EFR3B: variants seen among roughly 807,000 people sequenced by gnomAD.
EFR3B encodes EFR3 homolog B.
In EFR3B, 64 loss-of-function variants were observed where a neutral mutation model predicts 104.7. That is an observed-to-expected ratio of 0.61 (90% confidence interval 0.50 to 0.75). EFR3B has a LOEUF of 0.75. EFR3B is among the 30% of genes least tolerant of loss of function. The probability of loss-of-function intolerance (pLI) is 0.00; values close to 1 mark genes in which losing one functional copy is unlikely to be tolerated. For synonymous variants in EFR3B, 385 were observed against 417.9 expected, an observed-to-expected ratio of 0.92 and a Z score of 0.96; for missense variants, 750 against 1,078.5, an observed-to-expected ratio of 0.70 and a Z score of 4.27.
At chr2:25,049,181 T>C (rs1667799969) in intron 1 of EFR3B, among the ~76,000 whole-genome samples, 1 of 152,258 alleles carries the variant, frequency 6.6e-6, no homozygotes, top group Non-Finnish European at 1.5e-5. Flanking sequence ...ATTAAGATTT[T>C]TCCCCTAGTA....
chr2:25,057,412 C>CAAA lies in EFR3B; in HGVS notation c.7+15102_7+15104dup, dbSNP rs70947862. Among the ~76,000 whole-genome samples the CAAA allele has an allele frequency of 8.7e-4, 124 of 142,816 alleles. 1 individual carries two copies. The highest frequency in any genetic ancestry group is 3.0e-3 in the African/African-American group (117 of 38,896). 93.7% of individuals were successfully genotyped at this position (142,816 alleles called of 152,430 possible). On this transcript the variant is annotated intron_variant, in intron 1 of 22. Coordinates refer to ENST00000403714, the MANE Select transcript of EFR3B (RefSeq NM_014971.2). ...CCAGCTCGTTAAGTGGCATGGCTAA[C>CAAA]AAAAAAAAAAACAAAAAACAGATCT...
At chr2:25,122,219 G>A (rs1009483382) in intron 5 of EFR3B, among the ~76,000 whole-genome samples, 3 of 151,910 alleles carry the variant, frequency 2.0e-5, no homozygotes, top group Non-Finnish European at 2.9e-5. Context: ...CACCCACATC[G>A]GCCTCCCAGA....
rs968316644 is a variant in EFR3B at position 25,091,221 on chromosome 2, C to T, written c.8-104C>T. On this transcript the variant is annotated intron_variant, in intron 1 of 22. Coordinates refer to ENST00000403714, the MANE Select transcript of EFR3B (RefSeq NM_014971.2). ...AAGGGAGGGGTCTGTCTGATTCCAGCCTGTCTGTTTCCTGCCACTCACAGG... is the reference window on the plus strand; with the variant it reads ...AAGGGAGGGGTCTGTCTGATTCCAGTCTGTCTGTTTCCTGCCACTCACAGG... The T allele has an allele frequency of 3.6e-5, 39 of 1,093,404 alleles. No individual in the cohort carries two copies. In the African/African-American group the frequency reaches 6.1e-4, roughly 17 times the overall value. The allele number at this position is 1,093,404 out of a possible 1,614,324, so 67.7% of individuals were successfully genotyped here. A position where few individuals can be genotyped will look rare whatever the true frequency, so the allele number is the denominator to read the frequency against.
At chr2:25,150,929 C>T (rs1558622496) in intron 20 of EFR3B, among the ~76,000 whole-genome samples, 1 of 151,648 alleles carries the variant, frequency 6.6e-6, no homozygotes. Context: ...CCTTCTTAAA[C>T]TGAGTATGGG....
At chr2:25,151,790 T>C in intron 20 of EFR3B, 124 bp from the exon 21 acceptor site, 1 of 1,068,670 alleles carries the variant, frequency 9.4e-7, no homozygotes, top group East Asian at 2.7e-5. Flanking sequence ...TCCACGCCAC[T>C]GTCCCCTACT....
intron 1 of EFR3B, among the ~76,000 whole-genome samples, chr2:25,089,169 G>C (rs1324452222): frequency 1.3e-5 from 2 of 152,166 alleles, no homozygotes; most frequent in African/African-American, 2.4e-5. Flanking sequence ...AACTGAGTTG[G>C]TGTCCCCAGA....
At position 25,142,447 on chromosome 2, in the gene EFR3B, T is replaced by TA. The variant is rs775996269; in HGVS notation, c.1922+1032dup. ...CTGGGCAACAGAGCAAGACTCTGTC[T>TA]AAAAAAAAAAAAAAAAAATTAGGCC... is the stretch of plus-strand genomic sequence containing the variant. On this transcript the variant is annotated intron_variant, in intron 17 of 22. Coordinates refer to ENST00000403714, the MANE Select transcript of EFR3B (RefSeq NM_014971.2). 0.031 allele frequency among the ~76,000 whole-genome samples: 3,636 copies of TA among 117,138 alleles called. 245 individuals are homozygous for TA. In the East Asian group the frequency reaches 0.31, roughly 10 times the overall value. 76.8% of individuals were successfully genotyped at this position (117,138 alleles called of 152,430 possible). A position where few individuals can be genotyped will look rare whatever the true frequency, so the allele number is the denominator to read the frequency against.
intron 2 of EFR3B, among the ~76,000 whole-genome samples, chr2:25,091,875 G>A (rs2149185048): frequency 6.6e-6 from 1 of 152,252 alleles, no homozygotes; most frequent in Non-Finnish European, 1.5e-5. Flanking sequence ...TGGCCTCCAA[G>A]CCGCCTCTCC....
chr2:25,058,774 C>CG, intron 1 of EFR3B, among the ~76,000 whole-genome samples: 1 of 141,098 alleles, frequency 7.1e-6, no homozygotes, highest in African/African-American at 2.8e-5. Context: ...GCCCCCCCCC[C>CG]CAAAAAAAAA....
chr2:25,103,611 G>A, intron 3 of EFR3B, 26 bp from the exon 4 acceptor site: 1 of 1,538,964 alleles, frequency 6.5e-7, no homozygotes, highest in Middle Eastern at 1.7e-4. Flanking sequence ...GGCGCGGCCA[G>A]TGACGGCATG....
At chr2:25,062,325 G>A (rs1411052264) in intron 1 of EFR3B, among the ~76,000 whole-genome samples, 2 of 152,172 alleles carry the variant, frequency 1.3e-5, no homozygotes, top group Non-Finnish European at 2.9e-5. Flanking sequence ...CTTTGTGAGG[G>A]GATTAGCAAT....
At chr2:25,078,474 G>A (rs148311327) in intron 1 of EFR3B, among the ~76,000 whole-genome samples, 4 of 152,298 alleles carry the variant, frequency 2.6e-5, no homozygotes, top group Non-Finnish European at 4.4e-5. Context: ...TGGTGAATGC[G>A]GAGGAGGGAG....
intron 1 of EFR3B, among the ~76,000 whole-genome samples, chr2:25,046,557 C>T (rs1667723638): frequency 7.4e-6 from 1 of 134,304 alleles, no homozygotes; most frequent in Non-Finnish European, 1.6e-5. Flanking sequence ...GGCTGGAGTG[C>T]AGTGGCGCGA....
intron 3 of EFR3B, among the ~76,000 whole-genome samples, chr2:25,097,008 C>T (rs1669299779): frequency 6.6e-6 from 1 of 152,172 alleles, no homozygotes; most frequent in Non-Finnish European, 1.5e-5. Flanking sequence ...AAATTATACT[C>T]AAGCAAGTAA....
Position 25,137,309 on chromosome 2 carries a change from G to A in EFR3B, c.1561-32G>A, listed in dbSNP as rs748506925. On this transcript the variant is annotated intron_variant, in intron 14 of 22. Coordinates refer to ENST00000403714, the MANE Select transcript of EFR3B (RefSeq NM_014971.2). The surrounding 1 kb of genome is among the most constrained non-coding windows in gnomAD (Gnocchi z 4.7). ...TTGCCCCTCCTGTCCCCATCCCTCC[G>A]ACCCTGGCCTTCTGCCCGCTCCTGT... is the stretch of plus-strand genomic sequence containing the variant. 5.8e-6 allele frequency: 9 copies of A among 1,550,704 alleles called. No homozygotes were observed. Among genetic ancestry groups the A allele is most frequent in the East Asian group, 4.9e-5 (2 of 40,896 alleles).
chr2:25,156,743 T>G lies in EFR3B; in HGVS notation c.*2403T>G, dbSNP rs1297386633. 1 of 152,208 alleles carries G rather than the reference T, an allele frequency of 6.6e-6. No individual in the cohort carries two copies. Among genetic ancestry groups the G allele is most frequent in the African/African-American group, 2.4e-5 (1 of 41,454 alleles). 9.4% of individuals were successfully genotyped at this position (152,208 alleles called of 1,614,324 possible). On this transcript the variant is annotated 3_prime_UTR_variant, in exon 23 of 23. Transcript: ENST00000403714. ...CATGAACTTAGACTTCTCTTTAGTA[T>G]TTATATATTTAAAAACCAAGTTTAA... is the stretch of plus-strand genomic sequence containing the variant.
At position 25,137,603 on chromosome 2, in the gene EFR3B, G is replaced by A; in HGVS notation, c.1722+101G>A. The A allele has an allele frequency of 6.8e-7, 1 of 1,474,330 alleles. No homozygotes were observed. Among genetic ancestry groups the A allele is most frequent in the Non-Finnish European group, 9.1e-7 (1 of 1,095,252 alleles). 91.3% of individuals were successfully genotyped at this position (1,474,330 alleles called of 1,614,324 possible). A position where few individuals can be genotyped will look rare whatever the true frequency, so the allele number is the denominator to read the frequency against. ...TATTGACTAGCAACTGCTTAACACT[G>A]TTTTGGAGCCCAGGAATATTGTACT... On this transcript the variant is annotated intron_variant, in intron 15 of 22. Transcript: ENST00000403714. The surrounding 1 kb of genome is among the most constrained non-coding windows in gnomAD (Gnocchi z 4.7).
intron 5 of EFR3B, among the ~76,000 whole-genome samples, chr2:25,122,029 C>T (rs551905301): frequency 9.9e-5 from 15 of 151,444 alleles, no homozygotes; most frequent in East Asian, 7.8e-4. Context: ...TGCAGTGGCG[C>T]GATCTTGGCT....
At chr2:25,120,865 A>G (rs1669993069) in intron 4 of EFR3B, among the ~76,000 whole-genome samples, 1 of 152,174 alleles carries the variant, frequency 6.6e-6, no homozygotes, top group Non-Finnish European at 1.5e-5. Context: ...AAACTTTAAA[A>G]ATGGACTCCA....
Sources: allele counts gnomAD v4.1 joint callset (sites outside exome capture counted in the v4.1 genomes callset), GRCh38; gene constraint gnomAD v4.1.1; non-coding constraint Gnocchi (gnomAD v3.1); transcripts MANE v1.5; gene names NCBI Gene and HGNC (gene_info 2026-07-23, HGNC 2026-07-21).